SPART: variants seen among roughly 807,000 people sequenced by gnomAD.
SPART encodes the protein spartin, also known as spastic paraplegia 20 (Troyer syndrome).
In SPART, 35 loss-of-function variants were observed where a neutral mutation model predicts 58.7. The ratio of observed to expected loss-of-function variants is 0.60; its 90% CI spans 0.46 to 0.79. SPART has a LOEUF of 0.79. Among genes scored for constraint, SPART ranks in the 30% least tolerant of loss-of-function variants. The pLI is 0.00. For missense variants in SPART, 730 were observed against 786.1 expected (o/e 0.93, Z 0.85); for synonymous variants, 284 against 280.7 (o/e 1.01, Z -0.12).
chr13:36,316,362 CCT>C (rs1198365226), intron 5 of SPART, among the ~76,000 whole-genome samples: 1 of 152,238 alleles, frequency 6.6e-6, no homozygotes, highest in Non-Finnish European at 1.5e-5. Context: ...CATCGCATCC[CCT>C]GTGACTTGCA....
Position 36,303,390 on chromosome 13 carries a change from C to T in SPART, c.*975G>A, listed in dbSNP as rs1880177446. On this transcript the variant is annotated 3_prime_UTR_variant, in exon 9 of 9. Transcript: ENST00000438666. ...TCTGCCAAAGTGGAAACCATAATGC[C>T]TATCCACCATGGATTACGTCTAAGG... 1.3e-5 allele frequency: 2 copies of T among 152,078 alleles called. No individual in the cohort carries two copies. The highest frequency in any genetic ancestry group is 4.1e-4 in the South Asian group (2 of 4,832). 9.4% of individuals were successfully genotyped at this position (152,078 alleles called of 1,614,324 possible).
intron 8 of SPART, 52 bp downstream of exon 8, chr13:36,312,093 C>T: frequency 6.7e-7 from 1 of 1,491,622 alleles, no homozygotes; most frequent in Non-Finnish European, 9.3e-7. Context: ...CTCAGAAAAA[C>T]AACAACAACA....
At chr13:36,353,797 C>A (rs1885514256) in intron 1 of SPART, among the ~76,000 whole-genome samples, 1 of 152,146 alleles carries the variant, frequency 6.6e-6, no homozygotes, top group Non-Finnish European at 1.5e-5. Flanking sequence ...ATACTCTGTT[C>A]AGACATGATT....
chr13:36,363,770 TTG>T (rs1452079382), intron 1 of SPART, among the ~76,000 whole-genome samples: 3 of 142,582 alleles, frequency 2.1e-5, no homozygotes, highest in African/African-American at 5.2e-5. Context: ...GTTTTTTTTG[TTG>T]TTGTTGTTTT....
At chr13:36,359,397 T>C (rs1362559923) in intron 1 of SPART, among the ~76,000 whole-genome samples, 1 of 152,224 alleles carries the variant, frequency 6.6e-6, no homozygotes, top group African/African-American at 2.4e-5. Flanking sequence ...TAATATACTT[T>C]GGAAAAATCT....
intron 2 of SPART, 38 bp from the exon 3 acceptor site, chr13:36,331,634 A>C (rs1566127977): frequency 7.2e-7 from 1 of 1,386,332 alleles, no homozygotes; most frequent in Non-Finnish European, 1.0e-6. Flanking sequence ...ATATACATAT[A>C]AATAAATGAA....
upstream of SPART, chr13:36,346,402 G>A (rs1268978978): frequency 2.0e-5 from 3 of 152,188 alleles, no homozygotes; most frequent in East Asian, 1.9e-4. Context: ...GACGTTCCAC[G>A]ACGCGCGCTC....
intron 1 of SPART, among the ~76,000 whole-genome samples, chr13:36,358,093 T>G (rs1475181931): frequency 6.6e-6 from 1 of 152,058 alleles, no homozygotes; most frequent in East Asian, 1.9e-4. Flanking sequence ...GTTCATAAAA[T>G]GTTCATAAGC....
upstream of SPART, among the ~76,000 whole-genome samples, chr13:36,348,616 G>A (rs1268262213): frequency 6.6e-6 from 1 of 152,036 alleles, no homozygotes; most frequent in African/African-American, 2.4e-5. Context: ...TTATCAAGAA[G>A]AATAAAATAC....
In SPART at chr13:36,338,211, AT is replaced by A. The variant is rs2137581205; in HGVS notation, c.-2-2380del. ...ATACATAAAAATCATTAAACTATAC[AT>A]TTAAGATCAGGGTACTATATGCATT... is the stretch of plus-strand genomic sequence containing the variant. On this transcript the variant is annotated intron_variant, in intron 1 of 8. Coordinates refer to ENST00000438666, the MANE Select transcript of SPART (RefSeq NM_015087.5). 1.3e-5 allele frequency among the ~76,000 whole-genome samples: 2 copies of A among 152,318 alleles called. 1 individual carries two copies. The highest frequency in any genetic ancestry group is 4.1e-4 in the South Asian group (2 of 4,828).
Position 36,314,440 on chromosome 13 carries a change from A to T in SPART, c.1289-19T>A. ...GAAGCACCTTTTTAAAAGAAAATTT[A>T]AAATTGCACAATATTAGGGCTAATT... is the stretch of plus-strand genomic sequence containing the variant. On this transcript the variant is annotated intron_variant, in intron 5 of 8. Coordinates refer to ENST00000438666, the MANE Select transcript of SPART (RefSeq NM_015087.5). The T allele has an allele frequency of 1.2e-6, 2 of 1,610,310 alleles. No homozygotes were observed. The highest frequency in any genetic ancestry group is 1.7e-6 in the Non-Finnish European group (2 of 1,176,632).
intron 1 of SPART, among the ~76,000 whole-genome samples, chr13:36,363,371 CTG>C (rs1419355250): frequency 2.0e-5 from 3 of 152,010 alleles, no homozygotes; most frequent in Non-Finnish European, 4.4e-5. Context: ...CTCTCTCTCT[CTG>C]TCCCTCTTTT....
rs900098564 is a variant in SPART at position 36,302,111 on chromosome 13, T to C, written c.*2254A>G. On this transcript the variant is annotated 3_prime_UTR_variant, in exon 9 of 9. Coordinates refer to ENST00000438666, the MANE Select transcript of SPART (RefSeq NM_015087.5). ...TGGCAAGGAACAATAAAAAATGACA[T>C]GGGGAAAGAGGTAAGAAAATAGGAA... is the stretch of plus-strand genomic sequence containing the variant. 3 of 152,010 alleles carry C rather than the reference T, an allele frequency of 2.0e-5. No homozygotes were observed. The highest frequency in any genetic ancestry group is 7.2e-5 in the African/African-American group (3 of 41,388). The allele number at this position is 152,010 out of a possible 1,614,324, so 9.4% of individuals were successfully genotyped here.
chr13:36,359,055 A>G (rs1885735517), intron 1 of SPART, among the ~76,000 whole-genome samples: 1 of 152,204 alleles, frequency 6.6e-6, no homozygotes, highest in Non-Finnish European at 1.5e-5. Flanking sequence ...AAGAAGTAGA[A>G]GCTCAGAAAG....
At chr13:36,334,194 C>A (rs1011730714) in intron 2 of SPART, among the ~76,000 whole-genome samples, 2 of 152,160 alleles carry the variant, frequency 1.3e-5, no homozygotes, top group Non-Finnish European at 2.9e-5. Context: ...ACTCATCTTC[C>A]TATACCTACA....
At chr13:36,313,182 C>A (rs943449806) in intron 6 of SPART, among the ~76,000 whole-genome samples, 6 of 152,084 alleles carry the variant, frequency 3.9e-5, no homozygotes, top group Non-Finnish European at 5.9e-5. Context: ...AACAACAGAT[C>A]CCTCCCTCTT....
chr13:36,345,496 TC>T (rs1354877803), intron 1 of SPART: 1 of 152,088 alleles, frequency 6.6e-6, no homozygotes, highest in East Asian at 1.9e-4. Flanking sequence ...GAACGCAAAT[TC>T]GTTAAATTAT....
At chr13:36,369,667 C>T (rs1209663515) in intron 1 of SPART, 1 of 152,204 alleles carries the variant, frequency 6.6e-6, no homozygotes, top group Non-Finnish European at 1.5e-5. Context: ...TTTTCTCCTA[C>T]AGGTAAAGTA....
intron 5 of SPART, among the ~76,000 whole-genome samples, chr13:36,319,454 T>TA (rs1327405781): frequency 6.6e-6 from 1 of 151,680 alleles, no homozygotes; most frequent in African/African-American, 2.4e-5. Context: ...CAGCATGCTT[T>TA]AAAAAGATTA....
Sources: gnomAD v4.1 joint callset for allele counts (sites outside exome capture counted in the v4.1 genomes callset) on GRCh38, gnomAD v4.1.1 for gene constraint, MANE v1.5 for transcripts, NCBI Gene and HGNC (gene_info 2026-07-23, HGNC 2026-07-21) for gene names.